ABTB3: variants seen among roughly 807,000 people sequenced by gnomAD.
The protein encoded by ABTB3 is ankyrin repeat- and BTB/POZ domain-containing protein 3.
At chr12:107,414,722 C>CA in the ABTB3 span, among the ~76,000 whole-genome samples, 10 of 139,954 alleles carry the variant, frequency 7.1e-5, no homozygotes, top group East Asian at 1.9e-3. Flanking sequence ...TTTTCTTTTT[C>CA]TTTTTTTTTT....
chr12:107,550,991 C>T, the ABTB3 span, among the ~76,000 whole-genome samples: 20 of 152,212 alleles, frequency 1.3e-4, no homozygotes, highest in Admixed American at 8.5e-4. Context: ...CTGGCTTACA[C>T]ATCACAGTTG....
the ABTB3 span, among the ~76,000 whole-genome samples, chr12:107,647,313 G>A: frequency 6.6e-6 from 1 of 152,154 alleles, no homozygotes; most frequent in Non-Finnish European, 1.5e-5. Context: ...CTGGGTGACA[G>A]AGTGAGGCCC....
chr12:107,319,826 G>C, the ABTB3 span: 1 of 1,259,334 alleles, frequency 7.9e-7, no homozygotes, highest in South Asian at 2.1e-5. Flanking sequence ...GGGAGGAGCG[G>C]CGAGCGGCGG....
At chr12:107,577,980 G>A in the ABTB3 span, among the ~76,000 whole-genome samples, 2 of 151,938 alleles carry the variant, frequency 1.3e-5, no homozygotes, top group Non-Finnish European at 2.9e-5. Flanking sequence ...CAGAATAAAG[G>A]AGACAACCAG....
chr12:107,354,988 C>T, the ABTB3 span, among the ~76,000 whole-genome samples: 81 of 152,294 alleles, frequency 5.3e-4, no homozygotes, highest in Non-Finnish European at 8.5e-4. Context: ...CATATGATTA[C>T]ATTCTTTTTT....
the ABTB3 span, among the ~76,000 whole-genome samples, chr12:107,632,220 C>T: frequency 6.6e-6 from 1 of 152,184 alleles, no homozygotes; most frequent in East Asian, 1.9e-4. Context: ...GTTAAACCAC[C>T]ACCGCTGTCC....
the ABTB3 span, among the ~76,000 whole-genome samples, chr12:107,510,610 G>T: frequency 6.6e-6 from 1 of 152,210 alleles, no homozygotes; most frequent in African/African-American, 2.4e-5. Context: ...TTTTAGTAAA[G>T]CATTCGGAAA....
chr12:107,647,051 A>G, the ABTB3 span, among the ~76,000 whole-genome samples: 4 of 152,186 alleles, frequency 2.6e-5, no homozygotes, highest in Admixed American at 1.3e-4. Context: ...ACTTTTGGCC[A>G]GGCATGGTGG....
At chr12:107,602,048 GC>G in the ABTB3 span, among the ~76,000 whole-genome samples, 1 of 152,192 alleles carries the variant, frequency 6.6e-6, no homozygotes, top group Non-Finnish European at 1.5e-5. Flanking sequence ...CCTGGGAGCT[GC>G]CGGTTACCTT....
At chr12:107,446,582 A>G in the ABTB3 span, among the ~76,000 whole-genome samples, 18 of 152,186 alleles carry the variant, frequency 1.2e-4, no homozygotes, top group Admixed American at 1.3e-4. Context: ...CTATGTGACC[A>G]AAAGGAGCTC....
At chr12:107,453,848 GA>G in the ABTB3 span, among the ~76,000 whole-genome samples, 1 of 152,148 alleles carries the variant, frequency 6.6e-6, no homozygotes, top group Non-Finnish European at 1.5e-5. Context: ...GCAAAATTTT[GA>G]AAGTAAAACC....
chr12:107,526,962 T>C, the ABTB3 span, among the ~76,000 whole-genome samples: 1 of 152,290 alleles, frequency 6.6e-6, no homozygotes, highest in Admixed American at 6.5e-5. Context: ...CCTACTGATA[T>C]TTCTTGAATA....
At chr12:107,428,971 T>C in the ABTB3 span, among the ~76,000 whole-genome samples, 1 of 152,114 alleles carries the variant, frequency 6.6e-6, no homozygotes, top group African/African-American at 2.4e-5. Flanking sequence ...AGCTGCCATA[T>C]TGCTTCACCA....
chr12:107,518,122 A>G, the ABTB3 span, among the ~76,000 whole-genome samples: 1 of 152,190 alleles, frequency 6.6e-6, no homozygotes, highest in African/African-American at 2.4e-5. Context: ...CAGGTGCTGG[A>G]GAGGATGTGG....
At chr12:107,410,821 G>A in the ABTB3 span, among the ~76,000 whole-genome samples, 1 of 152,152 alleles carries the variant, frequency 6.6e-6, no homozygotes, top group Non-Finnish European at 1.5e-5. Flanking sequence ...TGAATTGAAG[G>A]TGCTTTTGCT....
the ABTB3 span, among the ~76,000 whole-genome samples, chr12:107,607,200 A>G: frequency 2.1e-4 from 32 of 152,330 alleles, no homozygotes; most frequent in Non-Finnish European, 1.5e-5. Context: ...TGTTTTTAGT[A>G]TAAGTGTGTC....
At chr12:107,617,302 A>C in the ABTB3 span, 1 of 1,613,914 alleles carries the variant, frequency 6.2e-7, no homozygotes, top group Non-Finnish European at 8.5e-7. Context: ...GGCTTGCAGG[A>C]AATTTTGAGC....
chr12:107,597,358 G>C, the ABTB3 span, among the ~76,000 whole-genome samples: 426 of 152,272 alleles, frequency 2.8e-3, 1 homozygote, highest in African/African-American at 9.8e-3. Flanking sequence ...GCTTTATTTG[G>C]CTCACAGTTC....
At chr12:107,492,198 T>G in the ABTB3 span, among the ~76,000 whole-genome samples, 2 of 152,244 alleles carry the variant, frequency 1.3e-5, no homozygotes, top group Middle Eastern at 3.4e-3. Context: ...AGAACTTAGA[T>G]ATCTGAGAGT....
Sources: gnomAD v4.1 joint callset for allele counts (sites outside exome capture counted in the v4.1 genomes callset) on GRCh38, gnomAD v4.1.1 for gene constraint, MANE v1.5 for transcripts, NCBI Gene and HGNC (gene_info 2026-07-23, HGNC 2026-07-21) for gene names.